FILIP1L: variants seen among roughly 807,000 people sequenced by gnomAD.
FILIP1L encodes the protein filamin A-interacting protein 1-like.
In FILIP1L, 55 loss-of-function variants were observed where a neutral mutation model predicts 96.6. The ratio of observed to expected loss-of-function variants is 0.57; its 90% CI spans 0.46 to 0.71. The LOEUF is 0.71. FILIP1L is among the 30% of genes least tolerant of loss of function. The pLI, the probability that FILIP1L is intolerant of heterozygous loss-of-function variation, is 0.00. For missense variants in FILIP1L, 1,304 were observed against 1,321.2 expected (o/e 0.99, Z 0.20); for synonymous variants, 467 against 473.9 (o/e 0.99, Z 0.19).
intron 4 of FILIP1L, among the ~76,000 whole-genome samples, chr3:99,907,693 C>G (rs985503933): frequency 6.6e-6 from 1 of 152,176 alleles, no homozygotes; most frequent in Non-Finnish European, 1.5e-5. Flanking sequence ...CCCTAATCCC[C>G]TTCCCTTATG....
At position 100,004,178 on chromosome 3, in the gene FILIP1L, T is replaced by C. The variant is rs969076130; in HGVS notation, c.-10-73148A>G. The stretch of plus-strand genomic sequence containing the variant: ...ATTTTGACATAAATTGAGGGTTTTT[T>C]CCCCCTTACATATTCTCCAAGAAAC... On this transcript the variant is annotated intron_variant, in intron 1 of 5. Coordinates refer to ENST00000477258, the MANE Select transcript of FILIP1L (RefSeq NM_001387850.1). Among the ~76,000 whole-genome samples, 5 of 152,090 alleles carry C rather than the reference T, an allele frequency of 3.3e-5. No homozygotes were observed. The South Asian group carries it at 6.2e-4, about 19-fold the overall frequency.
intron 1 of FILIP1L, among the ~76,000 whole-genome samples, chr3:99,984,219 T>G (rs1464980475): frequency 6.6e-6 from 1 of 152,180 alleles, no homozygotes; most frequent in African/African-American, 2.4e-5. Flanking sequence ...CAAAACTGCA[T>G]TCTTTGAGTA....
At chr3:100,051,441 G>A (rs987696278) in intron 1 of FILIP1L, 5 of 151,106 alleles carry the variant, frequency 3.3e-5, no homozygotes, top group Non-Finnish European at 7.4e-5. Flanking sequence ...GTGCCATGTT[G>A]GTGTGCTGCA....
intron 4 of FILIP1L, among the ~76,000 whole-genome samples, chr3:99,865,233 G>A (rs1183701220): frequency 1.3e-5 from 2 of 152,152 alleles, no homozygotes; most frequent in African/African-American, 4.8e-5. Context: ...TAAGAACTGA[G>A]GCTCAAAAAA....
chr3:99,845,789 G>A (rs1163121576), intron 5 of FILIP1L, among the ~76,000 whole-genome samples: 1 of 152,086 alleles, frequency 6.6e-6, no homozygotes, highest in East Asian at 1.9e-4. Context: ...TAATCTACAC[G>A]TTATTAATCT....
intron 1 of FILIP1L, among the ~76,000 whole-genome samples, chr3:99,994,194 C>G (rs968235176): frequency 1.3e-5 from 2 of 152,134 alleles, no homozygotes; most frequent in Non-Finnish European, 2.9e-5. Context: ...CTTCCTGGCT[C>G]AGTCTCAGTA....
At chr3:99,875,281 A>T (rs1335793641) in intron 4 of FILIP1L, among the ~76,000 whole-genome samples, 1 of 152,188 alleles carries the variant, frequency 6.6e-6, no homozygotes, top group East Asian at 1.9e-4. Context: ...CCTCTTCAGG[A>T]TTTAGATGTA....
At chr3:99,984,030 G>A (rs1162163519) in intron 1 of FILIP1L, among the ~76,000 whole-genome samples, 1 of 147,156 alleles carries the variant, frequency 6.8e-6, no homozygotes, top group Non-Finnish European at 1.5e-5. Context: ...ATGTTAATTA[G>A]CATGAAAAAG....
At chr3:100,011,974 C>T (rs570882494) in intron 1 of FILIP1L, among the ~76,000 whole-genome samples, 1 of 152,306 alleles carries the variant, frequency 6.6e-6, no homozygotes, top group East Asian at 1.9e-4. Flanking sequence ...TGGCTGCTTT[C>T]TGATATTTCG....
intron 1 of FILIP1L, among the ~76,000 whole-genome samples, chr3:99,984,107 G>T (rs184568266): frequency 3.1e-3 from 370 of 120,052 alleles, no homozygotes; most frequent in Non-Finnish European, 4.0e-3. Flanking sequence ...AATATCAGGT[G>T]CTCAGGTATG....
intron 1 of FILIP1L, among the ~76,000 whole-genome samples, chr3:100,106,048 T>C (rs1194114836): frequency 6.6e-6 from 1 of 151,984 alleles, no homozygotes; most frequent in African/African-American, 2.4e-5. Flanking sequence ...CTCCTAGGGG[T>C]TTCAATTAAA....
chr3:99,831,709 G>T (rs1239059147), intron 5 of FILIP1L, among the ~76,000 whole-genome samples: 1 of 152,176 alleles, frequency 6.6e-6, no homozygotes, highest in Non-Finnish European at 1.5e-5. Flanking sequence ...TCTATGTTGG[G>T]ATCGTCTTTA....
intron 4 of FILIP1L, among the ~76,000 whole-genome samples, chr3:99,903,367 T>C (rs1706502624): frequency 6.6e-6 from 1 of 152,076 alleles, no homozygotes; most frequent in African/African-American, 2.4e-5. Flanking sequence ...TTCTCCTGCC[T>C]CAGCCTCCTG....
At chr3:100,031,744 G>A (rs1365439999) in intron 1 of FILIP1L, among the ~76,000 whole-genome samples, 3 of 152,070 alleles carry the variant, frequency 2.0e-5, no homozygotes, top group Non-Finnish European at 2.9e-5. Flanking sequence ...TGTATTTTAC[G>A]TTTATTTGCC....
intron 1 of FILIP1L, among the ~76,000 whole-genome samples, chr3:100,090,755 T>C (rs2066089810): frequency 6.6e-6 from 1 of 152,180 alleles, no homozygotes; most frequent in Non-Finnish European, 1.5e-5. Context: ...GCACAACTTG[T>C]CTGATCACCA....
At chr3:99,936,868 T>C (rs946002415) in intron 1 of FILIP1L, among the ~76,000 whole-genome samples, 16 of 152,170 alleles carry the variant, frequency 1.1e-4, no homozygotes, top group African/African-American at 3.9e-4. Flanking sequence ...AACAAACATT[T>C]ATGAAATGAA....
intron 1 of FILIP1L, among the ~76,000 whole-genome samples, chr3:99,983,400 A>G (rs1458423342): frequency 9.1e-6 from 1 of 110,106 alleles, no homozygotes; most frequent in Non-Finnish European, 1.8e-5. Flanking sequence ...ATATATATAT[A>G]TATATATATA....
chr3:100,112,433 G>A (rs2066507389), intron 1 of FILIP1L, among the ~76,000 whole-genome samples: 1 of 152,056 alleles, frequency 6.6e-6, no homozygotes. Flanking sequence ...TCATTTCAAT[G>A]GCACAATAAA....
chr3:100,092,070 A>G (rs1435164842), intron 1 of FILIP1L, among the ~76,000 whole-genome samples: 2 of 152,356 alleles, frequency 1.3e-5, no homozygotes, highest in African/African-American at 4.8e-5. Context: ...TCATAGGGCT[A>G]TTATGAGCAG....
Sources: gnomAD v4.1 joint callset for allele counts (sites outside exome capture counted in the v4.1 genomes callset) on GRCh38, gnomAD v4.1.1 for gene constraint, MANE v1.5 for transcripts, NCBI Gene and HGNC (gene_info 2026-07-23, HGNC 2026-07-21) for gene names.